Variants in EPHA2 observed in about 807,000 individuals in gnomAD.
EPHA2 encodes the protein EPH receptor A2, also known as ephrin type-A receptor 2.
EPHA2 carries 54 observed loss-of-function variants against 104.9 expected under a neutral mutation model. That is an observed-to-expected ratio of 0.51 (90% CI 0.41 to 0.65). The LOEUF is 0.65. EPHA2 is among the 30% of genes least tolerant of loss of function. The pLI, the probability that EPHA2 is intolerant of heterozygous loss-of-function variation, is 0.00. For missense variants in EPHA2, 1,117 were observed against 1,369.5 expected (o/e 0.82, Z 2.91); for synonymous variants, 560 against 559.1 (o/e 1.00, Z -0.02).
intron 3 of EPHA2, among the ~76,000 whole-genome samples, chr1:16,146,122 T>TCTCGCGCACCGGCACCCAGCCAC (rs2024927750): frequency 6.6e-6 from 1 of 152,124 alleles, no homozygotes; most frequent in African/African-American, 2.4e-5. Context: ...GTTCCTGGCA[T>TCTCGCGCACCGGCACCCAGCCAC]CTCGCGCACC....
Position 16,137,843 on chromosome 1 carries a change from T to C in EPHA2, c.1312+10A>G. The C allele has an allele frequency of 6.2e-7, 1 of 1,613,438 alleles. No individual in the cohort carries two copies. Among genetic ancestry groups the C allele is most frequent in the Non-Finnish European group, 8.5e-7 (1 of 1,179,822 alleles). On this transcript the variant is annotated intron_variant, in intron 5 of 16. Transcript: ENST00000358432. ...CCCCATAGGGCACAGCTGCCACCCC[T>C]GGACCTCACCTGTCTGGTTGATGCT... is the stretch of plus-strand genomic sequence containing the variant.
At chr1:16,147,793 C>G (rs1029998285) in intron 3 of EPHA2, among the ~76,000 whole-genome samples, 2 of 151,682 alleles carry the variant, frequency 1.3e-5, no homozygotes, top group Non-Finnish European at 2.9e-5. Context: ...AAAATGTAGA[C>G]CTGGGATTTG....
At chr1:16,145,120 C>A (rs1325922005) in intron 3 of EPHA2, among the ~76,000 whole-genome samples, 1 of 152,234 alleles carries the variant, frequency 6.6e-6, no homozygotes, top group Non-Finnish European at 1.5e-5. Context: ...AGGCTGCTGG[C>A]CACCTGCTCA....
At chr1:16,142,588 G>T (rs1237916285) in intron 3 of EPHA2, among the ~76,000 whole-genome samples, 2 of 148,576 alleles carry the variant, frequency 1.3e-5, no homozygotes, top group Non-Finnish European at 3.0e-5. Context: ...GGTGGAGGGG[G>T]GTATGAGTGG....
rs1169039085 is a variant in EPHA2 at position 16,125,383 on chromosome 1, G to A, written c.2826-63C>T. On this transcript the variant is annotated intron_variant, in intron 16 of 16. Coordinates refer to ENST00000358432, the MANE Select transcript of EPHA2 (RefSeq NM_004431.5). The surrounding 1 kb of genome is among the most constrained non-coding windows in gnomAD (Gnocchi z 4.9). Reference sequence around the variant, plus strand: ...GGAGCAGGGGAGGGGGCCGGGCTGGGTGGGGACAGGACTCGGTGGGCGGCT... The same window carrying A: ...GGAGCAGGGGAGGGGGCCGGGCTGGATGGGGACAGGACTCGGTGGGCGGCT... 3 of 960,536 alleles carry A rather than the reference G, an allele frequency of 3.1e-6. No homozygotes were observed. Among genetic ancestry groups the A allele is most frequent in the Non-Finnish European group, 3.1e-6 (2 of 637,906 alleles). 59.5% of individuals were successfully genotyped at this position (960,536 alleles called of 1,614,324 possible).
rs2024438096 is a variant in EPHA2, at chr1:16,125,000, G to A, written c.*215C>T. ...CGGTGCCTGCTAAGTGCTCAGCTGT[G>A]TGCGTCTCGCAGGGAAAGAGGGCCC... On this transcript the variant is annotated 3_prime_UTR_variant, in exon 17 of 17. Coordinates refer to ENST00000358432, the MANE Select transcript of EPHA2 (RefSeq NM_004431.5). 2.7e-5 allele frequency: 16 copies of A among 598,840 alleles called. 1 individual carries two copies. In the South Asian group the frequency reaches 2.8e-4, roughly 10 times the overall value. The allele number at this position is 598,840 out of a possible 1,614,324, so 37.1% of individuals were successfully genotyped here.
intron 1 of EPHA2, among the ~76,000 whole-genome samples, chr1:16,151,293 A>C (rs542492296): frequency 6.6e-6 from 1 of 152,262 alleles, no homozygotes; most frequent in East Asian, 1.9e-4. Context: ...CGGCAGGAGA[A>C]CAGCAGCTGG....
chr1:16,146,114 TC>T (rs774884760), intron 3 of EPHA2, among the ~76,000 whole-genome samples: 2 of 152,164 alleles, frequency 1.3e-5, no homozygotes, highest in Admixed American at 6.5e-5. Context: ...AGCCGGGCGT[TC>T]CTGGCATCTC....
rs1270411137 is a variant in EPHA2, at chr1:16,131,364, G to A, written c.2475+357C>T. On this transcript the variant is annotated intron_variant, in intron 14 of 16. Coordinates refer to ENST00000358432, the MANE Select transcript of EPHA2 (RefSeq NM_004431.5). This position sits in a 1 kb window ranked among gnomAD's most constrained non-coding sequence, Gnocchi z 5.2. ...GGAGGCTGAGGCATGTGGATCACCT[G>A]AAGCGAGGAGCTAGAGACCAGCCTG... is the stretch of plus-strand genomic sequence containing the variant. 1.3e-5 allele frequency among the ~76,000 whole-genome samples: 2 copies of A among 152,200 alleles called. No homozygotes were observed. The highest frequency in any genetic ancestry group is 4.8e-5 in the African/African-American group (2 of 41,450).
chr1:16,153,132 A>G lies in EPHA2; in HGVS notation c.86-2169T>C, dbSNP rs1295725685. 349 of 479,576 alleles carry G rather than the reference A, an allele frequency of 7.3e-4. 1 individual carries two copies. The Admixed American group carries it at 9.4e-3, about 13-fold the overall frequency. The allele number at this position is 479,576 out of a possible 1,614,324, so 29.7% of individuals were successfully genotyped here. On this transcript the variant is annotated intron_variant, in intron 1 of 16. Transcript: ENST00000358432. ...CCTTACCTTCCCATTTCTGGGGGGA[A>G]AAAAAAAAAGCAAAAAACACCTCCT...
intron 3 of EPHA2, among the ~76,000 whole-genome samples, chr1:16,144,091 T>C (rs572816185): frequency 1.8e-4 from 28 of 152,206 alleles, no homozygotes; most frequent in African/African-American, 5.3e-4. Flanking sequence ...TTCTGTTTGC[T>C]TTCCCTCGCC....
chr1:16,136,771 A>AAGAAGAAGAAGAAGAAGAAGAAGG (rs2024718595), intron 5 of EPHA2, among the ~76,000 whole-genome samples: 1 of 148,924 alleles, frequency 6.7e-6, no homozygotes, highest in Non-Finnish European at 1.5e-5. Context: ...GAAGAAGAAG[A>AAGAAGAAGAAGAAGAAGAAGAAGG]AGAACTAACT....
rs772818925 is a variant in EPHA2 at position 16,132,413 on chromosome 1, A to G, written c.2080T>C (p.Tyr694His). The change falls in exon 12 of 17, where the codon TAC (tyrosine) becomes CAC (histidine). Residue 694 changes from tyrosine to histidine, a missense_variant. Coordinates refer to ENST00000358432, the MANE Select transcript of EPHA2 (RefSeq NM_004431.5). ...TTGTCCAGGGCCCCATTCTCCATGT[A>G]CTCAGTGATGATCATCATGGGCTTG... Reference protein sequence around the residue: ...KYKPMMIITEYMENGALDKFL... With the variant: ...KYKPMMIITEHMENGALDKFL... 27 of 1,613,828 alleles carry G rather than the reference A, an allele frequency of 1.7e-5. No individual in the cohort carries two copies. Among genetic ancestry groups the G allele is most frequent in the Non-Finnish European group, 1.9e-5 (22 of 1,180,010 alleles).
At chr1:16,151,039 C>A in intron 1 of EPHA2, 76 bp from the exon 2 acceptor site, 1 of 1,473,592 alleles carries the variant, frequency 6.8e-7, no homozygotes. Context: ...AGGTGAGGAT[C>A]CCTCCAGGAA....
chr1:16,129,743 A>G lies in EPHA2; in HGVS notation c.2670-154T>C, dbSNP rs113362026. Among the ~76,000 whole-genome samples the G allele has an allele frequency of 2.4e-3, 372 of 152,240 alleles. 2 individuals carry two copies. Among genetic ancestry groups the G allele is most frequent in the African/African-American group, 6.8e-3 (283 of 41,534 alleles). ...GGGAAGCCCAGTCAAGTAGGGTTCA[A>G]TGAGACCTCCTGGCACGTTGGGAGC... On this transcript the variant is annotated intron_variant, in intron 15 of 16. Transcript: ENST00000358432.
Position 16,134,407 on chromosome 1 carries a change from G to T in EPHA2, c.1682+61C>A, listed in dbSNP as rs961666941. 1 of 1,549,300 alleles carries T rather than the reference G, an allele frequency of 6.5e-7. No individual in the cohort carries two copies. On this transcript the variant is annotated intron_variant, in intron 8 of 16. Transcript: ENST00000358432. This position sits in a 1 kb window ranked among gnomAD's most constrained non-coding sequence, Gnocchi z 4.5. ...CCCATCGTTCAGATGAGGAAATGGA[G>T]GTTCCTGCCCCATTTTCCCACCCAA...
Position 16,128,018 on chromosome 1 carries a change from G to C in EPHA2, c.2825+1416C>G, listed in dbSNP as rs1458005530. On this transcript the variant is annotated intron_variant, in intron 16 of 16. Coordinates refer to ENST00000358432, the MANE Select transcript of EPHA2 (RefSeq NM_004431.5). The surrounding 1 kb of genome is among the most constrained non-coding windows in gnomAD (Gnocchi z 4.7). Reference sequence around the variant, plus strand: ...GGTGGGAGCCCCTGGAGGAGCAAAGGGTCTGGTGGATGTTCCCAGGAAAAA... The same window carrying C: ...GGTGGGAGCCCCTGGAGGAGCAAAGCGTCTGGTGGATGTTCCCAGGAAAAA... Among the ~76,000 whole-genome samples the C allele has an allele frequency of 6.6e-6, 1 of 152,184 alleles. No homozygotes were observed. Among genetic ancestry groups the C allele is most frequent in the Non-Finnish European group, 1.5e-5 (1 of 68,044 alleles).
intron 3 of EPHA2, among the ~76,000 whole-genome samples, chr1:16,141,156 C>G (rs1305149877): frequency 6.6e-6 from 1 of 152,176 alleles, no homozygotes; most frequent in Admixed American, 6.5e-5. Context: ...AAACTCCTGA[C>G]GAATTTCAGA....
intron 16 of EPHA2, among the ~76,000 whole-genome samples, chr1:16,127,106 G>C (rs143203572): frequency 6.6e-6 from 1 of 152,096 alleles, no homozygotes; most frequent in East Asian, 1.9e-4. Context: ...CCATATACTC[G>C]GTGAGCTCCT....
Sources: allele counts gnomAD v4.1 joint callset (sites outside exome capture counted in the v4.1 genomes callset), GRCh38; gene constraint gnomAD v4.1.1; non-coding constraint Gnocchi (gnomAD v3.1); transcripts MANE v1.5; gene names NCBI Gene and HGNC (gene_info 2026-07-23, HGNC 2026-07-21).